Variants in TSPAN13 observed in about 807,000 individuals in gnomAD.
The protein encoded by TSPAN13 is tetraspanin-13.
TSPAN13 carries 18 observed loss-of-function variants against 26.9 expected under a neutral mutation model. The observed-to-expected ratio is 0.67, with a 90% CI of 0.46 to 0.99. The LOEUF is 0.99. Among genes scored for constraint, TSPAN13 ranks in the 50% least tolerant of loss-of-function variants. The pLI is 0.00. For synonymous variants in TSPAN13, 116 were observed against 98.4 expected (o/e 1.18, Z -1.06); for missense variants, 201 against 249.6 (o/e 0.81, Z 1.31).
At chr7:16,765,217 A>G (rs901381695) in intron 1 of TSPAN13, among the ~76,000 whole-genome samples, 1 of 152,092 alleles carries the variant, frequency 6.6e-6, no homozygotes, top group Non-Finnish European at 1.5e-5. Context: ...ATCCTGAGTC[A>G]GTCTCCCAAG....
At chr7:16,767,714 T>C (rs2115328205) in intron 1 of TSPAN13, among the ~76,000 whole-genome samples, 1 of 152,320 alleles carries the variant, frequency 6.6e-6, no homozygotes, top group African/African-American at 2.4e-5. Flanking sequence ...GGCTTAGTTT[T>C]TGCCAGTCTA....
At chr7:16,770,456 C>T (rs141208828) in intron 1 of TSPAN13, among the ~76,000 whole-genome samples, 4 of 152,234 alleles carry the variant, frequency 2.6e-5, no homozygotes, top group African/African-American at 4.8e-5. Flanking sequence ...GTGATCCACC[C>T]GCTTCGGCCT....
At chr7:16,763,786 A>G (rs1784575505) in intron 1 of TSPAN13, among the ~76,000 whole-genome samples, 2 of 152,206 alleles carry the variant, frequency 1.3e-5, no homozygotes. Context: ...CAGAGGGGCC[A>G]GTCATTAAGG....
chr7:16,759,883 G>T (rs1784523107), intron 1 of TSPAN13, among the ~76,000 whole-genome samples: 1 of 152,006 alleles, frequency 6.6e-6, no homozygotes, highest in African/African-American at 2.4e-5. Context: ...TAGAGACGGG[G>T]TCTGTGTTGT....
chr7:16,756,186 CT>C (rs1402816140), intron 1 of TSPAN13, among the ~76,000 whole-genome samples: 4 of 152,132 alleles, frequency 2.6e-5, no homozygotes, highest in Non-Finnish European at 5.9e-5. Context: ...TATTTCTCCC[CT>C]GATCTCTTTC....
At chr7:16,771,192 T>G (rs1784673980) in intron 1 of TSPAN13, among the ~76,000 whole-genome samples, 1 of 152,242 alleles carries the variant, frequency 6.6e-6, no homozygotes, top group African/African-American at 2.4e-5. Flanking sequence ...ATTTCTGACC[T>G]GTAGGAATTT....
chr7:16,768,967 C>G (rs1784643277), intron 1 of TSPAN13, among the ~76,000 whole-genome samples: 1 of 152,014 alleles, frequency 6.6e-6, no homozygotes, highest in South Asian at 2.1e-4. Context: ...AACTCTGCCT[C>G]CTGGGTTCAA....
At chr7:16,770,784 G>A (rs916306011) in intron 1 of TSPAN13, among the ~76,000 whole-genome samples, 3 of 152,266 alleles carry the variant, frequency 2.0e-5, no homozygotes, top group South Asian at 4.2e-4. Flanking sequence ...CCCAAATGCC[G>A]TCACCTCTTG....
At chr7:16,758,714 T>G (rs1438467144) in intron 1 of TSPAN13, among the ~76,000 whole-genome samples, 1 of 152,182 alleles carries the variant, frequency 6.6e-6, no homozygotes, top group African/African-American at 2.4e-5. Context: ...ATTACTTTTA[T>G]TTATCCACTG....
In TSPAN13 at chr7:16,769,690, T is replaced by C. The variant is rs570228746; in HGVS notation, c.64-6521T>C. ...TTTTTTTTTGATTTTTTGGATTTCC[T>C]TTGTAGATGCTCCTAATAATTTTTG... is the stretch of plus-strand genomic sequence containing the variant. On this transcript the variant is annotated intron_variant, in intron 1 of 5. Coordinates refer to ENST00000262067, the MANE Select transcript of TSPAN13 (RefSeq NM_014399.4). Among the ~76,000 whole-genome samples, 127 of 152,288 alleles carry C rather than the reference T, an allele frequency of 8.3e-4. 1 individual carries two copies. The highest frequency in any genetic ancestry group is 3.0e-3 in the African/African-American group (123 of 41,564).
chr7:16,762,944 G>T (rs192420799), intron 1 of TSPAN13, among the ~76,000 whole-genome samples: 28 of 152,212 alleles, frequency 1.8e-4, no homozygotes, highest in Middle Eastern at 3.4e-3. Context: ...ATAAGTTTGG[G>T]CATATGTGTA....
intron 1 of TSPAN13, among the ~76,000 whole-genome samples, chr7:16,761,625 C>A (rs1250136759): frequency 6.6e-6 from 1 of 151,732 alleles, no homozygotes; most frequent in Non-Finnish European, 1.5e-5. Context: ...CCAAGCGATC[C>A]TCTCACCTTC....
intron 1 of TSPAN13, among the ~76,000 whole-genome samples, chr7:16,754,337 C>G (rs966904574): frequency 6.6e-6 from 1 of 152,248 alleles, no homozygotes; most frequent in African/African-American, 2.4e-5. Context: ...TCAACCGGAC[C>G]TCTCCGCTTT....
At chr7:16,769,132 A>G (rs1784645257) in intron 1 of TSPAN13, among the ~76,000 whole-genome samples, 1 of 152,156 alleles carries the variant, frequency 6.6e-6, no homozygotes, top group African/African-American at 2.4e-5. Context: ...GGCCATTATA[A>G]TAGGTTCTGA....
intron 1 of TSPAN13, among the ~76,000 whole-genome samples, chr7:16,756,019 G>A (rs1784477994): frequency 6.6e-6 from 1 of 152,130 alleles, no homozygotes; most frequent in Non-Finnish European, 1.5e-5. Flanking sequence ...TAGACAAAGG[G>A]ACATTTCTTA....
At chr7:16,771,129 G>A (rs1784672956) in intron 1 of TSPAN13, among the ~76,000 whole-genome samples, 1 of 152,184 alleles carries the variant, frequency 6.6e-6, no homozygotes. Context: ...CTGCTCATGG[G>A]ACCCCACAGC....
rs1416262334 is a variant in TSPAN13, at chr7:16,783,229, C to T, written c.541-188C>T. Among the ~76,000 whole-genome samples, 5 of 152,092 alleles carry T rather than the reference C, an allele frequency of 3.3e-5. 1 individual carries two copies. In the South Asian group the frequency reaches 8.3e-4, roughly 25 times the overall value. On this transcript the variant is annotated intron_variant, in intron 5 of 5. Coordinates refer to ENST00000262067, the MANE Select transcript of TSPAN13 (RefSeq NM_014399.4). ...CAGTCATTCAGTTTACCACAGTGTT[C>T]GTTTTAATTTTTTCTCAGCGCCCGT...
In TSPAN13 at chr7:16,753,863, C is replaced by G; in HGVS notation, c.-105C>G. 1 of 1,264,906 alleles carries G rather than the reference C, an allele frequency of 7.9e-7. No homozygotes were observed. Among genetic ancestry groups the G allele is most frequent in the Non-Finnish European group, 1.1e-6 (1 of 888,168 alleles). The allele number at this position is 1,264,906 out of a possible 1,614,324, so 78.4% of individuals were successfully genotyped here. The stretch of plus-strand genomic sequence containing the variant: ...CGGCCCCCCACCCACGTCTGCGTTG[C>G]TGCCCCGCCTGGGCCAGGCCCCAAA... On this transcript the variant is annotated 5_prime_UTR_variant, in exon 1 of 6. Transcript: ENST00000262067.
chr7:16,773,073 G>C (rs1026139896), intron 1 of TSPAN13, among the ~76,000 whole-genome samples: 1 of 151,534 alleles, frequency 6.6e-6, no homozygotes, highest in Non-Finnish European at 1.5e-5. Context: ...ATTCACAGAG[G>C]GGTCAGCTGG....
Sources: gnomAD v4.1 joint callset for allele counts (sites outside exome capture counted in the v4.1 genomes callset) on GRCh38, gnomAD v4.1.1 for gene constraint, MANE v1.5 for transcripts, NCBI Gene and HGNC (gene_info 2026-07-23, HGNC 2026-07-21) for gene names.